The following PTPRM variants were observed in gnomAD, a reference collection of about 807,000 sequenced individuals.
The protein encoded by PTPRM is receptor-type tyrosine-protein phosphatase mu.
In PTPRM, 47 loss-of-function variants were observed where a neutral mutation model predicts 186.7. That is an observed-to-expected ratio of 0.25 (90% CI 0.20 to 0.32). The LOEUF (loss-of-function observed/expected upper bound fraction) is 0.32, where lower values mean the gene tolerates loss of function less well. PTPRM is among the 10% of genes least tolerant of loss of function. The pLI is 1.00. For synonymous variants in PTPRM, 668 were observed against 674.9 expected (o/e 0.99, Z 0.16); for missense variants, 1,494 against 1,865.0 (o/e 0.80, Z 3.66).
At position 7,914,413 on chromosome 18, in the gene PTPRM, C is replaced by A. The variant is rs546744569; in HGVS notation, c.547+7830C>A. ...TACCTTTCAAGGAAAACAAAACTGACTTTGACCTGAAACATGTTAAGAGAA... is the reference window on the plus strand; with the variant it reads ...TACCTTTCAAGGAAAACAAAACTGAATTTGACCTGAAACATGTTAAGAGAA... On this transcript the variant is annotated intron_variant, in intron 4 of 32. Transcript: ENST00000580170. Among the ~76,000 whole-genome samples the A allele has an allele frequency of 1.9e-3, 292 of 152,210 alleles. 4 individuals carry two copies. The highest frequency in any genetic ancestry group is 6.6e-3 in the African/African-American group (274 of 41,562).
At chr18:7,908,587 T>C (rs1276964533) in intron 4 of PTPRM, among the ~76,000 whole-genome samples, 1 of 152,218 alleles carries the variant, frequency 6.6e-6, no homozygotes, top group African/African-American at 2.4e-5. Flanking sequence ...ATTTGGTGCT[T>C]TGAAGCTTGC....
chr18:7,831,038 C>G (rs77335745), intron 2 of PTPRM, among the ~76,000 whole-genome samples: 5,686 of 152,072 alleles, frequency 0.037, 310 homozygotes, highest in African/African-American at 0.12. Flanking sequence ...TTGTGATGTT[C>G]CAGAATTGTG....
At chr18:8,252,026 C>T (rs1409318749) in intron 17 of PTPRM, among the ~76,000 whole-genome samples, 1 of 152,278 alleles carries the variant, frequency 6.6e-6, no homozygotes, top group South Asian at 2.1e-4. Context: ...AATAGCATTT[C>T]CCTGCATAAG....
chr18:8,155,347 A>T (rs1178425853), intron 14 of PTPRM, among the ~76,000 whole-genome samples: 1 of 152,210 alleles, frequency 6.6e-6, no homozygotes. Flanking sequence ...TTATAGTAAT[A>T]TTCCTGTCTC....
At chr18:8,018,838 G>C (rs2085036032) in intron 7 of PTPRM, among the ~76,000 whole-genome samples, 1 of 152,158 alleles carries the variant, frequency 6.6e-6, no homozygotes, top group Non-Finnish European at 1.5e-5. Flanking sequence ...ATGGCCTTGT[G>C]TGTTTTGCCG....
At chr18:7,738,601 A>ATTT (rs35691659) in intron 1 of PTPRM, among the ~76,000 whole-genome samples, 225 of 141,694 alleles carry the variant, frequency 1.6e-3, no homozygotes, top group South Asian at 6.9e-3. Context: ...ACACCCGGCT[A>ATTT]TTTTTTTTTT....
intron 23 of PTPRM, among the ~76,000 whole-genome samples, chr18:8,343,938 G>A (rs373455194): frequency 6.6e-6 from 1 of 152,154 alleles, no homozygotes; most frequent in East Asian, 1.9e-4. Context: ...ATCTTCTCTT[G>A]CTTAAATTGG....
rs116108672 is a variant in PTPRM at position 8,375,914 on chromosome 18, C to G, written c.3172-132C>G. The G allele has an allele frequency of 2.1e-4, 196 of 952,052 alleles. No individual in the cohort carries two copies. In the African/African-American group the frequency reaches 3.1e-3, roughly 15 times the overall value. The allele number at this position is 952,052 out of a possible 1,614,324, so 59.0% of individuals were successfully genotyped here. ...GTGAGATCTAAGGATGGCCTCTTTC[C>G]CCAGCAGTCCACTGTTTCCTGGCCC... On this transcript the variant is annotated intron_variant, in intron 24 of 32. Transcript: ENST00000580170.
intron 1 of PTPRM, among the ~76,000 whole-genome samples, chr18:7,720,135 A>T (rs556147178): frequency 6.6e-6 from 1 of 152,356 alleles, no homozygotes; most frequent in East Asian, 1.9e-4. Flanking sequence ...ACTCATTATC[A>T]TAAAAATATC....
At chr18:8,234,850 C>T (rs913068251) in intron 14 of PTPRM, among the ~76,000 whole-genome samples, 10 of 152,092 alleles carry the variant, frequency 6.6e-5, no homozygotes, top group African/African-American at 2.2e-4. Flanking sequence ...GACCATCTGA[C>T]TTTTCTTCCA....
At chr18:8,139,791 C>G (rs576824934) in intron 13 of PTPRM, among the ~76,000 whole-genome samples, 126 of 152,234 alleles carry the variant, frequency 8.3e-4, no homozygotes, top group African/African-American at 3.0e-3. Flanking sequence ...GCCTTCACCC[C>G]CCAGCCCACT....
intron 31 of PTPRM, among the ~76,000 whole-genome samples, chr18:8,391,103 A>G (rs1474709281): frequency 1.3e-5 from 2 of 152,192 alleles, no homozygotes; most frequent in Admixed American, 1.3e-4. Flanking sequence ...AGACAGACAA[A>G]TAAATGATAA....
chr18:7,852,534 A>G (rs1043849486), intron 2 of PTPRM, among the ~76,000 whole-genome samples: 5 of 152,128 alleles, frequency 3.3e-5, no homozygotes, highest in Non-Finnish European at 5.9e-5. Context: ...AAAAATACAA[A>G]AAAATTAGCT....
chr18:7,657,574 T>A (rs984778014), intron 1 of PTPRM, among the ~76,000 whole-genome samples: 1 of 152,166 alleles, frequency 6.6e-6, no homozygotes, highest in Non-Finnish European at 1.5e-5. Flanking sequence ...ACACACAAGC[T>A]CCATTACTCA....
chr18:8,166,108 T>C (rs1430949681), intron 14 of PTPRM, among the ~76,000 whole-genome samples: 1 of 152,214 alleles, frequency 6.6e-6, no homozygotes, highest in Non-Finnish European at 1.5e-5. Context: ...ACATGATAAA[T>C]GTTTATTGAT....
At chr18:8,307,919 A>C (rs947396445) in intron 20 of PTPRM, among the ~76,000 whole-genome samples, 1 of 152,212 alleles carries the variant, frequency 6.6e-6, no homozygotes, top group African/African-American at 2.4e-5. Context: ...TAGCAAAAGA[A>C]TTCACAGGGC....
chr18:7,808,633 A>C (rs1022747476), intron 2 of PTPRM, among the ~76,000 whole-genome samples: 4 of 152,336 alleles, frequency 2.6e-5, no homozygotes, highest in Admixed American at 1.3e-4. Context: ...TGTTGTGCTC[A>C]ATCTTATTGT....
intron 32 of PTPRM, among the ~76,000 whole-genome samples, chr18:8,400,292 G>T (rs547740807): frequency 6.6e-6 from 1 of 152,214 alleles, no homozygotes; most frequent in Admixed American, 6.5e-5. Context: ...TTGGTCAGGG[G>T]CCTGGCTGCA....
intron 22 of PTPRM, 93 bp from the exon 23 acceptor site, chr18:8,343,330 T>G: frequency 2.0e-6 from 2 of 988,708 alleles, no homozygotes; most frequent in Admixed American, 2.1e-5. Context: ...GGGAACTGCA[T>G]GTGGGTATTA....
Sources: allele counts gnomAD v4.1 joint callset (sites outside exome capture counted in the v4.1 genomes callset), GRCh38; gene constraint gnomAD v4.1.1; transcripts MANE v1.5; gene names NCBI Gene and HGNC (gene_info 2026-07-23, HGNC 2026-07-21).